The following PRIM2 variants were observed in gnomAD, a reference collection of about 807,000 sequenced individuals.
The protein encoded by PRIM2 is DNA primase subunit 2.
PRIM2 carries 39 observed loss-of-function variants against 67.3 expected under a neutral mutation model. The observed-to-expected ratio is 0.58, with a 90% CI of 0.45 to 0.76. The LOEUF (loss-of-function observed/expected upper bound fraction) is 0.76, where lower values mean the gene tolerates loss of function less well. PRIM2 is among the 30% of genes least tolerant of loss of function. PRIM2 has a pLI of 0.00. For synonymous variants in PRIM2, 143 were observed against 198.7 expected (o/e 0.72, Z 2.36); for missense variants, 398 against 598.7 (o/e 0.66, Z 3.50).
At chr6:57,599,822 A>T (rs2127491079) in intron 10 of PRIM2, among the ~76,000 whole-genome samples, 1 of 152,296 alleles carries the variant, frequency 6.6e-6, no homozygotes, top group East Asian at 1.9e-4. Flanking sequence ...GTGACTTTTT[A>T]AATTTAATTT....
chr6:57,567,046 G>A (rs1261005947), intron 10 of PRIM2, among the ~76,000 whole-genome samples: 1 of 152,066 alleles, frequency 6.6e-6, no homozygotes, highest in Non-Finnish European at 1.5e-5. Flanking sequence ...TACATAGTAA[G>A]TACTCAATAT....
chr6:57,461,195 A>G (rs1772991866), intron 7 of PRIM2, among the ~76,000 whole-genome samples: 1 of 152,214 alleles, frequency 6.6e-6, no homozygotes, highest in Non-Finnish European at 1.5e-5. Context: ...AGCAAAACCT[A>G]TTCCATGAAC....
At chr6:57,513,604 C>G (rs1468360203) in intron 8 of PRIM2, among the ~76,000 whole-genome samples, 3 of 152,114 alleles carry the variant, frequency 2.0e-5, no homozygotes, top group Non-Finnish European at 4.4e-5. Context: ...GTAATAGTTG[C>G]TATTATTGGC....
At chr6:57,371,719 A>G (rs1451492016) in intron 5 of PRIM2, among the ~76,000 whole-genome samples, 1 of 152,214 alleles carries the variant, frequency 6.6e-6, no homozygotes, top group Non-Finnish European at 1.5e-5. Flanking sequence ...AAAGCAATGA[A>G]AGAGCATCGT....
At chr6:57,361,610 A>AGT (rs1458842881) in intron 5 of PRIM2, among the ~76,000 whole-genome samples, 2 of 150,250 alleles carry the variant, frequency 1.3e-5, no homozygotes, top group Admixed American at 6.6e-5. Flanking sequence ...ATTGATAAAA[A>AGT]GTGTGCTTTC....
At position 57,359,444 on chromosome 6, in the gene PRIM2, G is replaced by C. The variant is rs577886427; in HGVS notation, c.460-20457G>C. The stretch of plus-strand genomic sequence containing the variant: ...CCAGATTAATCTGTTCACCAGCTCA[G>C]TACCTCTGGTGACTTCATTTGGTGC... On this transcript the variant is annotated intron_variant, in intron 5 of 13. Transcript: ENST00000615550. Among the ~76,000 whole-genome samples, 64 of 152,330 alleles carry C rather than the reference G, an allele frequency of 4.2e-4. 1 individual carries two copies. In the South Asian group the frequency reaches 0.013, roughly 32 times the overall value.
chr6:57,585,565 G>A (rs1308249997), intron 10 of PRIM2, among the ~76,000 whole-genome samples: 1 of 152,186 alleles, frequency 6.6e-6, no homozygotes, highest in East Asian at 1.9e-4. Flanking sequence ...GCTCAAGACA[G>A]GCTGAGTGAT....
intron 7 of PRIM2, among the ~76,000 whole-genome samples, chr6:57,480,416 A>AC (rs1245003310): frequency 6.6e-6 from 1 of 151,884 alleles, no homozygotes; most frequent in Non-Finnish European, 1.5e-5. Flanking sequence ...AATAAAAAAA[A>AC]CTAGGAAATT....
chr6:57,297,440 T>C, the PRIM2 span, among the ~76,000 whole-genome samples: 1 of 152,072 alleles, frequency 6.6e-6, no homozygotes, highest in Admixed American at 6.5e-5. Context: ...AGAGCAAGAC[T>C]CTGTCTAAAA....
chr6:57,448,186 T>C (rs925440842), intron 7 of PRIM2, among the ~76,000 whole-genome samples: 11 of 152,242 alleles, frequency 7.2e-5, no homozygotes, highest in Non-Finnish European at 1.6e-4. Context: ...TTAAGGCATG[T>C]TCCTGACAAG....
At chr6:57,434,707 G>C (rs188541056) in intron 7 of PRIM2, among the ~76,000 whole-genome samples, 2 of 152,026 alleles carry the variant, frequency 1.3e-5, no homozygotes, top group Admixed American at 1.3e-4. Context: ...CCACCAGCTT[G>C]GGTTTCTGAA....
At chr6:57,352,141 CTGTT>C (rs916999404) in intron 5 of PRIM2, among the ~76,000 whole-genome samples, 34 of 152,100 alleles carry the variant, frequency 2.2e-4, no homozygotes, top group East Asian at 7.7e-4. Context: ...CAAGTTAAAA[CTGTT>C]TGGTTTTTGT....
chr6:57,593,355 T>C (rs1387272639), intron 10 of PRIM2, among the ~76,000 whole-genome samples: 3 of 151,364 alleles, frequency 2.0e-5, no homozygotes, highest in Non-Finnish European at 2.9e-5. Flanking sequence ...CAGGCTGGAG[T>C]GCAATGGCGC....
intron 10 of PRIM2, 37 bp from the exon 11 acceptor site, chr6:57,601,056 G>T: frequency 6.4e-7 from 1 of 1,562,510 alleles, no homozygotes; most frequent in Non-Finnish European, 8.7e-7. Flanking sequence ...ATAATTATTG[G>T]CTGACTTTGT....
In PRIM2 at chr6:57,639,293, G is replaced by A. The variant is rs1191368423; in HGVS notation, c.1300-6635G>A. On this transcript the variant is annotated intron_variant, in intron 13 of 13. Coordinates refer to ENST00000615550, the MANE Select transcript of PRIM2 (RefSeq NM_000947.5). ...TTTATAGCCCTAAATGCCCACAAGA[G>A]AAACCAAGAAAATCTAAAGTCGACA... Among the ~76,000 whole-genome samples the A allele has an allele frequency of 3.8e-3, 581 of 152,074 alleles. 3 individuals are homozygous for A. Among genetic ancestry groups the A allele is most frequent in the Admixed American group, 6.2e-3 (94 of 15,272 alleles).
At chr6:57,487,057 T>A (rs1394400282) in intron 7 of PRIM2, among the ~76,000 whole-genome samples, 1 of 152,202 alleles carries the variant, frequency 6.6e-6, no homozygotes, top group Non-Finnish European at 1.5e-5. Flanking sequence ...TTATAGTCAT[T>A]GTTACATCAG....
intron 7 of PRIM2, among the ~76,000 whole-genome samples, chr6:57,493,537 T>A (rs1773942469): frequency 6.6e-6 from 1 of 152,186 alleles, no homozygotes; most frequent in African/African-American, 2.4e-5. Flanking sequence ...GAGGGAGAAA[T>A]AAATCAGGCA....
chr6:57,410,651 T>A (rs1771058029), intron 7 of PRIM2, among the ~76,000 whole-genome samples: 1 of 152,040 alleles, frequency 6.6e-6, no homozygotes, highest in South Asian at 2.1e-4. Context: ...TTATTTGGTA[T>A]ATTCTACATA....
At chr6:57,490,164 T>C (rs1773856187) in intron 7 of PRIM2, among the ~76,000 whole-genome samples, 1 of 152,178 alleles carries the variant, frequency 6.6e-6, no homozygotes, top group South Asian at 2.1e-4. Context: ...GATTGCCTTC[T>C]TCCAGTGCTG....
Sources: gnomAD v4.1 joint callset for allele counts (sites outside exome capture counted in the v4.1 genomes callset) on GRCh38, gnomAD v4.1.1 for gene constraint, MANE v1.5 for transcripts, NCBI Gene and HGNC (gene_info 2026-07-23, HGNC 2026-07-21) for gene names.